Variants in CPNE5 observed in about 807,000 individuals in gnomAD.
CPNE5 encodes the protein copine-5.
A neutral mutation model predicts 81.1 loss-of-function variants in CPNE5; 42 were observed. The observed-to-expected ratio is 0.52, with a 90% CI of 0.40 to 0.67. CPNE5 has a LOEUF of 0.67. CPNE5 is among the 30% of genes least tolerant of loss of function. The pLI is 0.00. For missense variants in CPNE5, 612 were observed against 815.5 expected, an observed-to-expected ratio of 0.75 and a Z score of 3.04; for synonymous variants, 313 against 321.5, an observed-to-expected ratio of 0.97 and a Z score of 0.28.
intron 8 of CPNE5, among the ~76,000 whole-genome samples, chr6:36,786,258 C>T (rs1204843921): frequency 2.0e-5 from 3 of 152,024 alleles, no homozygotes; most frequent in Non-Finnish European, 4.4e-5. Flanking sequence ...GCTGGGCTCA[C>T]GGGATAGGAT....
intron 3 of CPNE5, among the ~76,000 whole-genome samples, chr6:36,821,790 G>T (rs770042507): frequency 1.4e-4 from 21 of 152,316 alleles, no homozygotes; most frequent in Admixed American, 2.6e-4. Context: ...GGTGCTAGAA[G>T]CTGCACTCAC....
At chr6:36,785,567 GC>G (rs1450410147) in intron 8 of CPNE5, among the ~76,000 whole-genome samples, 1 of 152,006 alleles carries the variant, frequency 6.6e-6, no homozygotes, top group African/African-American at 2.4e-5. Flanking sequence ...CAACTTACAT[GC>G]CCTAAGAAGC....
At chr6:36,788,423 G>C (rs1325831371) in intron 8 of CPNE5, among the ~76,000 whole-genome samples, 2 of 152,126 alleles carry the variant, frequency 1.3e-5, no homozygotes, top group Non-Finnish European at 2.9e-5. Flanking sequence ...TGTACCGTGA[G>C]GGCTCGAGGC....
chr6:36,774,903 G>T, intron 10 of CPNE5, 58 bp downstream of exon 10: 1 of 1,341,942 alleles, frequency 7.5e-7, no homozygotes, highest in Non-Finnish European at 1.1e-6. Flanking sequence ...ACCCTCACTT[G>T]TGCTTGGGGA....
At chr6:36,816,244 C>T (rs532545932) in intron 3 of CPNE5, among the ~76,000 whole-genome samples, 19 of 152,304 alleles carry the variant, frequency 1.2e-4, no homozygotes, top group African/African-American at 4.3e-4. Context: ...TTTGACTGGA[C>T]ATGCAGAAGG....
intron 8 of CPNE5, among the ~76,000 whole-genome samples, chr6:36,781,560 C>T (rs1768037085): frequency 6.6e-6 from 1 of 152,206 alleles, no homozygotes; most frequent in South Asian, 2.1e-4. Flanking sequence ...AGGGCAGGCA[C>T]ACCCTCCTCA....
chr6:36,756,592 A>G (rs1052934335), intron 12 of CPNE5, among the ~76,000 whole-genome samples: 1 of 152,168 alleles, frequency 6.6e-6, no homozygotes, highest in Non-Finnish European at 1.5e-5. Context: ...TCCACCCAGT[A>G]TAGCCAAAGA....
chr6:36,832,360 T>C (rs1174984831), intron 1 of CPNE5, among the ~76,000 whole-genome samples: 2 of 152,216 alleles, frequency 1.3e-5, no homozygotes, highest in Non-Finnish European at 2.9e-5. Context: ...TCCGGGAAGA[T>C]GGCCCCTGTC....
chr6:36,770,652 C>G (rs1766964098), intron 10 of CPNE5, among the ~76,000 whole-genome samples: 1 of 152,068 alleles, frequency 6.6e-6, no homozygotes, highest in African/African-American at 2.4e-5. Flanking sequence ...TGGCATCACC[C>G]ACAGGGCCTC....
chr6:36,771,325 C>T (rs1036657493), intron 10 of CPNE5, among the ~76,000 whole-genome samples: 6 of 152,162 alleles, frequency 3.9e-5, no homozygotes, highest in Admixed American at 6.5e-5. Flanking sequence ...GCCAGGCTGC[C>T]GGGGTCCACA....
At chr6:36,758,052 G>C (rs1254594736) in intron 12 of CPNE5, among the ~76,000 whole-genome samples, 1 of 152,180 alleles carries the variant, frequency 6.6e-6, no homozygotes, top group Admixed American at 6.5e-5. Context: ...GTGGAGGTGA[G>C]TGTGAGGGGA....
chr6:36,795,398 C>G (rs918422127), intron 6 of CPNE5, among the ~76,000 whole-genome samples: 1 of 152,134 alleles, frequency 6.6e-6, no homozygotes, highest in East Asian at 1.9e-4. Context: ...AGGATGGTCT[C>G]GAACTCCTGA....
intron 8 of CPNE5, among the ~76,000 whole-genome samples, chr6:36,789,113 T>C (rs1768865361): frequency 6.6e-6 from 1 of 152,182 alleles, no homozygotes; most frequent in South Asian, 2.1e-4. Context: ...AATTAGTCTC[T>C]TTTCCTTGCA....
chr6:36,830,491 T>G (rs1448495103), intron 1 of CPNE5, among the ~76,000 whole-genome samples: 3 of 152,224 alleles, frequency 2.0e-5, no homozygotes, highest in African/African-American at 7.2e-5. Flanking sequence ...GATCCTGTTC[T>G]CACCCGCGTG....
chr6:36,803,340 T>C (rs765272087), intron 3 of CPNE5, among the ~76,000 whole-genome samples: 2 of 152,056 alleles, frequency 1.3e-5, no homozygotes, highest in Non-Finnish European at 2.9e-5. Context: ...CCACCCCTCC[T>C]GTGTGCGCCC....
chr6:36,824,901 G>A (rs964357333), intron 1 of CPNE5, among the ~76,000 whole-genome samples: 13 of 152,126 alleles, frequency 8.5e-5, no homozygotes, highest in Non-Finnish European at 1.3e-4. Flanking sequence ...AGCTGAGATC[G>A]CACCACTGCA....
intron 12 of CPNE5, chr6:36,757,387 G>A (rs959268029): frequency 2.0e-6 from 2 of 985,018 alleles, no homozygotes. Flanking sequence ...TCTTCTGTCT[G>A]GGTGAGTATT....
chr6:36,767,859 A>T (rs1408696820), intron 10 of CPNE5, among the ~76,000 whole-genome samples: 2 of 152,238 alleles, frequency 1.3e-5, no homozygotes, highest in Non-Finnish European at 2.9e-5. Flanking sequence ...AGACAGCACT[A>T]GTTTTCAAAC....
chr6:36,782,736 G>C (rs971118479), intron 8 of CPNE5, among the ~76,000 whole-genome samples: 4 of 152,152 alleles, frequency 2.6e-5, no homozygotes, highest in East Asian at 1.9e-4. Flanking sequence ...GGAGGTTGCA[G>C]TGAGCCGAGA....
Sources: gnomAD v4.1 joint callset for allele counts (sites outside exome capture counted in the v4.1 genomes callset) on GRCh38, gnomAD v4.1.1 for gene constraint, MANE v1.5 for transcripts, NCBI Gene and HGNC (gene_info 2026-07-23, HGNC 2026-07-21) for gene names.